The following RBFOX3 variants were observed in gnomAD, a reference collection of about 807,000 sequenced individuals.
RBFOX3 encodes RNA binding protein fox-1 homolog 3.
RBFOX3 carries 17 observed loss-of-function variants against 48.7 expected under a neutral mutation model. The observed-to-expected ratio is 0.35, with a 90% CI of 0.24 to 0.52. The LOEUF is 0.52. Ranked by LOEUF, RBFOX3 falls within the 20% of genes least tolerant of loss-of-function variation. The probability of loss-of-function intolerance (pLI) is 0.94; values close to 1 mark genes in which losing one functional copy is unlikely to be tolerated. For synonymous variants in RBFOX3, 212 were observed against 209.5 expected, an observed-to-expected ratio of 1.01 and a Z score of -0.10; for missense variants, 382 against 497.5, an observed-to-expected ratio of 0.77 and a Z score of 2.21.
rs1250773533 is a variant in RBFOX3, at chr17:79,480,746, A to G, written c.-175+1708T>C. Among the ~76,000 whole-genome samples, 6 of 151,982 alleles carry G rather than the reference A, an allele frequency of 3.9e-5. No individual in the cohort carries two copies. The highest frequency in any genetic ancestry group is 1.5e-5 in the Non-Finnish European group (1 of 67,998). On this transcript the variant is annotated intron_variant, in intron 2 of 14. Transcript: ENST00000693108. This position sits in a 1 kb window ranked among gnomAD's most constrained non-coding sequence, Gnocchi z 4.8. ...TCCCTTCCTTCTGTCTTGGCTCACA[A>G]CATCAGCACCGGGGCCTGCCCTTCT... is the stretch of plus-strand genomic sequence containing the variant.
At position 79,204,299 on chromosome 17, in the gene RBFOX3, G is replaced by C. The variant is rs543583810; in HGVS notation, c.-34+31467C>G. On this transcript the variant is annotated intron_variant, in intron 4 of 14. Coordinates refer to ENST00000693108, the MANE Select transcript of RBFOX3 (RefSeq NM_001350451.2). This position sits in a 1 kb window ranked among gnomAD's most constrained non-coding sequence, Gnocchi z 4.5. ...CGCCGGGGAGCGGACACACACCAGC[G>C]GGCGCCGGGGAGCGGGTACACACCA... Among the ~76,000 whole-genome samples, 4 of 152,086 alleles carry C rather than the reference G, an allele frequency of 2.6e-5. No homozygotes were observed. Among genetic ancestry groups the C allele is most frequent in the African/African-American group, 9.7e-5 (4 of 41,394 alleles).
Position 79,560,592 on chromosome 17 carries a change from A to C in RBFOX3, c.-320+50234T>G, listed in dbSNP as rs1036083264. Among the ~76,000 whole-genome samples the C allele has an allele frequency of 2.7e-4, 41 of 152,302 alleles. 1 individual carries two copies. The East Asian group carries it at 6.9e-3, about 26-fold the overall frequency. On this transcript the variant is annotated intron_variant, in intron 1 of 14. Transcript: ENST00000693108. Reference sequence around the variant, plus strand: ...TTGAAGAATACGCACTCCAGGGATCATGGGGTTCAGTGACTTATGTTCCAG... The same window carrying C: ...TTGAAGAATACGCACTCCAGGGATCCTGGGGTTCAGTGACTTATGTTCCAG...
chr17:79,152,316 A>G (rs955976078), intron 4 of RBFOX3, among the ~76,000 whole-genome samples: 157 of 152,282 alleles, frequency 1.0e-3, no homozygotes, highest in African/African-American at 3.6e-3. Context: ...TGAAGCTGAG[A>G]GGCGGCTGCT....
chr17:79,527,742 A>G (rs1386815367), intron 1 of RBFOX3, among the ~76,000 whole-genome samples: 2 of 152,162 alleles, frequency 1.3e-5, no homozygotes, highest in African/African-American at 4.8e-5. Flanking sequence ...AGATGATGCA[A>G]CTTTATTTTT....
rs1016377609 is a variant in RBFOX3, at chr17:79,299,802, G to A, written c.-74+7922C>T. Among the ~76,000 whole-genome samples, 3 of 152,192 alleles carry A rather than the reference G, an allele frequency of 2.0e-5. No individual in the cohort carries two copies. The highest frequency in any genetic ancestry group is 1.9e-4 in the East Asian group (1 of 5,204). ...GGCCACATAAGGACATGGAGAAGAC[G>A]GCGTCTACATGCCAAGGGGAGCAGC... On this transcript the variant is annotated intron_variant, in intron 3 of 14. Transcript: ENST00000693108. This position sits in a 1 kb window ranked among gnomAD's most constrained non-coding sequence, Gnocchi z 4.5.
the RBFOX3 span, among the ~76,000 whole-genome samples, chr17:79,617,791 T>C: frequency 1.3e-5 from 2 of 152,314 alleles, no homozygotes; most frequent in Admixed American, 6.5e-5. Context: ...AGTCCGCCCA[T>C]ATCACAGATG....
rs992845384 is a variant in RBFOX3 at position 79,204,347 on chromosome 17, C to T, written c.-34+31419G>A. Among the ~76,000 whole-genome samples the T allele has an allele frequency of 2.0e-5, 3 of 151,996 alleles. No homozygotes were observed. The highest frequency in any genetic ancestry group is 4.8e-5 in the African/African-American group (2 of 41,366). On this transcript the variant is annotated intron_variant, in intron 4 of 14. Coordinates refer to ENST00000693108, the MANE Select transcript of RBFOX3 (RefSeq NM_001350451.2). The surrounding 1 kb of genome is among the most constrained non-coding windows in gnomAD (Gnocchi z 4.5). Reference sequence around the variant, plus strand: ...CCAGCGGGTGCCGGGGAGCAGGGGGCGTAGGTGGGGTTGGGGCAGAATGTA... The same window carrying T: ...CCAGCGGGTGCCGGGGAGCAGGGGGTGTAGGTGGGGTTGGGGCAGAATGTA...
At chr17:79,267,695 G>C (rs1955553939) in intron 3 of RBFOX3, among the ~76,000 whole-genome samples, 1 of 152,102 alleles carries the variant, frequency 6.6e-6, no homozygotes, top group South Asian at 2.1e-4. Flanking sequence ...CTGGCCCCAT[G>C]TCACTCTCTA....
intron 1 of RBFOX3, among the ~76,000 whole-genome samples, chr17:79,578,949 C>G (rs1394308902): frequency 6.6e-6 from 1 of 152,240 alleles, no homozygotes; most frequent in African/African-American, 2.4e-5. Context: ...GTTACGTTCT[C>G]TAAGACGCAG....
At chr17:79,147,053 C>T (rs921590919) in intron 4 of RBFOX3, among the ~76,000 whole-genome samples, 6 of 152,334 alleles carry the variant, frequency 3.9e-5, no homozygotes, top group Admixed American at 3.3e-4. Context: ...CACCAGCCTC[C>T]GGGTGTCCCG....
At chr17:79,367,553 G>A (rs2057960099) in intron 2 of RBFOX3, among the ~76,000 whole-genome samples, 1 of 152,104 alleles carries the variant, frequency 6.6e-6, no homozygotes, top group Admixed American at 6.5e-5. Context: ...AAGACACACA[G>A]TAAGAAGAGT....
At chr17:79,163,341 G>T (rs946814324) in intron 4 of RBFOX3, among the ~76,000 whole-genome samples, 1 of 152,216 alleles carries the variant, frequency 6.6e-6, no homozygotes, top group Non-Finnish European at 1.5e-5. Context: ...TGTCAAGAGG[G>T]GAGGTGTGGA....
At chr17:79,462,143 T>C (rs1417839567) in intron 2 of RBFOX3, among the ~76,000 whole-genome samples, 1 of 152,182 alleles carries the variant, frequency 6.6e-6, no homozygotes, top group Non-Finnish European at 1.5e-5. Flanking sequence ...TCTATGAGGG[T>C]AGGTATTTCT....
chr17:79,104,253 G>C, intron 6 of RBFOX3, 127 bp from the exon 7 acceptor site: 1 of 889,436 alleles, frequency 1.1e-6, no homozygotes, highest in South Asian at 1.5e-5. Context: ...CCCAGCTTGG[G>C]AAAGGAGACC....
chr17:79,337,105 G>A (rs941301223), intron 2 of RBFOX3, among the ~76,000 whole-genome samples: 2 of 151,964 alleles, frequency 1.3e-5, no homozygotes, highest in Non-Finnish European at 2.9e-5. Context: ...GCAACAGAGA[G>A]AGACTCCATC....
intron 4 of RBFOX3, among the ~76,000 whole-genome samples, chr17:79,182,393 G>C (rs2052226858): frequency 6.6e-6 from 1 of 152,198 alleles, no homozygotes; most frequent in Admixed American, 6.5e-5. Flanking sequence ...ATTGAAGCCC[G>C]GGCCAGGCTG....
intron 3 of RBFOX3, among the ~76,000 whole-genome samples, chr17:79,250,377 C>T (rs555482455): frequency 1.4e-4 from 22 of 152,286 alleles, no homozygotes; most frequent in East Asian, 1.3e-3. Context: ...TTTGCTGAGA[C>T]GGAACACGAT....
At chr17:79,387,101 C>A (rs1356998192) in intron 2 of RBFOX3, among the ~76,000 whole-genome samples, 1 of 152,188 alleles carries the variant, frequency 6.6e-6, no homozygotes, top group Non-Finnish European at 1.5e-5. Flanking sequence ...TTTGAGAGGT[C>A]CCCAGGGCTC....
At chr17:79,400,751 G>C (rs1235074944) in intron 2 of RBFOX3, among the ~76,000 whole-genome samples, 1 of 152,210 alleles carries the variant, frequency 6.6e-6, no homozygotes, top group East Asian at 1.9e-4. Context: ...GGTGGGAGCT[G>C]GACTCACCCC....
Sources: gnomAD v4.1 joint callset for allele counts (sites outside exome capture counted in the v4.1 genomes callset) on GRCh38, gnomAD v4.1.1 for gene constraint, Gnocchi (gnomAD v3.1) non-coding constraint, MANE v1.5 for transcripts, NCBI Gene and HGNC (gene_info 2026-07-23, HGNC 2026-07-21) for gene names.